The following PLCXD2 variants were observed in gnomAD, a reference collection of about 807,000 sequenced individuals.
PLCXD2 encodes PI-PLC X domain-containing protein 2.
In PLCXD2, 21 loss-of-function variants were observed where a neutral mutation model predicts 28.6. The ratio of observed to expected loss-of-function variants is 0.73; its 90% CI spans 0.52 to 1.06. The LOEUF is 1.06. Ranked by LOEUF, PLCXD2 falls within the 50% of genes least tolerant of loss-of-function variation. The probability of loss-of-function intolerance (pLI) is 0.00; values close to 1 mark genes in which losing one functional copy is unlikely to be tolerated. For synonymous variants in PLCXD2, 140 were observed against 150.1 expected (o/e 0.93, Z 0.49); for missense variants, 369 against 376.7 (o/e 0.98, Z 0.17).
intron 1 of PLCXD2, among the ~76,000 whole-genome samples, chr3:111,706,396 A>T (rs1941118688): frequency 6.6e-6 from 1 of 152,148 alleles, no homozygotes; most frequent in Non-Finnish European, 1.5e-5. Flanking sequence ...TGTCTATTTT[A>T]GTTTTTGTTG....
intron 3 of PLCXD2, chr3:111,721,816 A>C (rs1941349556): frequency 6.6e-6 from 1 of 152,224 alleles, no homozygotes; most frequent in South Asian, 2.1e-4. Flanking sequence ...TCTGCCTAGG[A>C]CTCAGGTCTG....
At chr3:111,700,496 A>T (rs774579992) in intron 1 of PLCXD2, among the ~76,000 whole-genome samples, 1 of 152,176 alleles carries the variant, frequency 6.6e-6, no homozygotes, top group Non-Finnish European at 1.5e-5. Flanking sequence ...TTTTTAGATG[A>T]CCATAAAATT....
At chr3:111,716,546 C>G (rs1419260629) in intron 3 of PLCXD2, among the ~76,000 whole-genome samples, 1 of 152,108 alleles carries the variant, frequency 6.6e-6, no homozygotes, top group Non-Finnish European at 1.5e-5. Flanking sequence ...CTTATAGAAA[C>G]CTGAAATTCA....
chr3:111,720,595 C>G, intron 3 of PLCXD2, 128 bp from the exon 4 acceptor site: 2 of 406,228 alleles, frequency 4.9e-6, no homozygotes. Flanking sequence ...GGAAATACCT[C>G]TGAAAGCTTG....
chr3:111,675,112 T>TC lies in PLCXD2; in HGVS notation c.-129dup, dbSNP rs1940599550. ...GGTAAGGATCCATCTGTTTGCCCCG[T>TC]CCCCCAGCCAGAAAGGCATTTTGGA... On this transcript the variant is annotated 5_prime_UTR_variant, in exon 1 of 5. Transcript: ENST00000477665. The TC allele has an allele frequency of 1.9e-5, 20 of 1,037,394 alleles. No individual in the cohort carries two copies. The highest frequency in any genetic ancestry group is 4.7e-5 in the Admixed American group (2 of 42,908). The allele number at this position is 1,037,394 out of a possible 1,614,324, so 64.3% of individuals were successfully genotyped here. A position where few individuals can be genotyped will look rare whatever the true frequency, so the allele number is the denominator to read the frequency against.
chr3:111,702,335 C>T lies in PLCXD2; in HGVS notation c.164-5591C>T, dbSNP rs912898686. ...ATGGCCATTTGAATTAGAGTAGCAA[C>T]AGAAGGAGAGAAAGTGGACTCAGAT... On this transcript the variant is annotated intron_variant, in intron 1 of 4. Coordinates refer to ENST00000477665, the MANE Select transcript of PLCXD2 (RefSeq NM_001185106.1). Among the ~76,000 whole-genome samples, 4 of 151,920 alleles carry T rather than the reference C, an allele frequency of 2.6e-5. 1 individual carries two copies. The highest frequency in any genetic ancestry group is 9.7e-5 in the African/African-American group (4 of 41,334).
Position 111,675,289 on chromosome 3 carries a change from C to T in PLCXD2, c.44C>T (p.Thr15Ile). Residue 15 changes from threonine to isoleucine, a missense_variant, in exon 1 of 5, where the codon ACC becomes ATC. Physicochemically the swap from Thr to Ile is moderately conservative, Grantham distance 89. Transcript: ENST00000477665. ...GCCAGGAGGAAACTCAGGATGGGGA[C>T]CATCTGCTCCCCCAACCCCAGCGGG... 1 of 1,614,084 alleles carries T rather than the reference C, an allele frequency of 6.2e-7. No individual in the cohort carries two copies. Among genetic ancestry groups the T allele is most frequent in the Non-Finnish European group, 8.5e-7 (1 of 1,180,006 alleles).
At chr3:111,695,050 C>G (rs1369504342) in intron 1 of PLCXD2, among the ~76,000 whole-genome samples, 1 of 149,198 alleles carries the variant, frequency 6.7e-6, no homozygotes, top group Non-Finnish European at 1.5e-5. Context: ...CGTTTTAGTA[C>G]ATTTGAAAAA....
chr3:111,679,682 T>C (rs1177895802), intron 1 of PLCXD2, among the ~76,000 whole-genome samples: 1 of 152,216 alleles, frequency 6.6e-6, no homozygotes, highest in Non-Finnish European at 1.5e-5. Flanking sequence ...CCAATCCATT[T>C]CTTGTTATTG....
chr3:111,717,507 G>T lies in PLCXD2; in HGVS notation c.866+3379G>T, dbSNP rs372406186. ...GTGGGTTCTGCATTTCCCCTTCTTC[G>T]TACTTAATCCTAATTATTTGATCCT... On this transcript the variant is annotated intron_variant, in intron 3 of 4. Transcript: ENST00000477665. 1.9e-3 allele frequency among the ~76,000 whole-genome samples: 283 copies of T among 152,166 alleles called. 2 individuals carry two copies. Among genetic ancestry groups the T allele is most frequent in the Middle Eastern group, 6.8e-3 (2 of 294 alleles).
rs1295050034 is a variant in PLCXD2, at chr3:111,707,948, C to T, written c.186C>T (p.Tyr62=). 1.9e-6 allele frequency: 3 copies of T among 1,613,762 alleles called. No homozygotes were observed. Among genetic ancestry groups the T allele is most frequent in the Non-Finnish European group, 2.5e-6 (3 of 1,179,864 alleles). ...CAGGCTCACATGATTCATTCAGCTA[C>T]TGGGTGGATGAAAAGTCCCCAGTGG... The change falls in exon 2 of 5, where the codon TAC becomes TAT. Residue 62 remains tyrosine (Y), a synonymous_variant. Coordinates refer to ENST00000477665, the MANE Select transcript of PLCXD2 (RefSeq NM_001185106.1).
At chr3:111,692,931 AAGTGTAG>A (rs1940908753) in intron 1 of PLCXD2, among the ~76,000 whole-genome samples, 1 of 152,206 alleles carries the variant, frequency 6.6e-6, no homozygotes, top group South Asian at 2.1e-4. Context: ...ATGTCAGTGG[AAGTGTAG>A]AGTCTGGCCA....
chr3:111,722,800 C>T (rs1576466811), intron 3 of PLCXD2: 1 of 152,226 alleles, frequency 6.6e-6, no homozygotes, highest in African/African-American at 2.4e-5. Flanking sequence ...TCCACACCCC[C>T]AACTCTTGGT....
intron 3 of PLCXD2, chr3:111,723,042 T>C (rs1445744724): frequency 6.6e-6 from 1 of 152,238 alleles, no homozygotes; most frequent in African/African-American, 2.4e-5. Context: ...TCAATTCTGA[T>C]GCTAAATGCT....
intron 1 of PLCXD2, chr3:111,692,560 T>C (rs1303688300): frequency 6.6e-6 from 1 of 152,214 alleles, no homozygotes; most frequent in Non-Finnish European, 1.5e-5. Flanking sequence ...TCCAGCAATA[T>C]TTTTTTAAAA....
chr3:111,726,105 G>A, intron 3 of PLCXD2: 1 of 377,826 alleles, frequency 2.6e-6, no homozygotes, highest in Non-Finnish European at 4.7e-6. Flanking sequence ...AATAGCAGGG[G>A]CTTGCTCACA....
In PLCXD2 at chr3:111,687,068, G is replaced by A. The variant is rs74749271; in HGVS notation, c.163+11660G>A. Among the ~76,000 whole-genome samples, 1,128 of 152,316 alleles carry A rather than the reference G, an allele frequency of 7.4e-3. 13 individuals are homozygous for A. Among genetic ancestry groups the A allele is most frequent in the African/African-American group, 0.025 (1,053 of 41,560 alleles). On this transcript the variant is annotated intron_variant, in intron 1 of 4. Coordinates refer to ENST00000477665, the MANE Select transcript of PLCXD2 (RefSeq NM_001185106.1). ...GCCCACCAGCCTTAGGCAACTCTCT[G>A]AGCATCTGTTCATTCAAGTATCCAT...
intron 1 of PLCXD2, among the ~76,000 whole-genome samples, chr3:111,704,001 CT>C (rs1941082625): frequency 6.6e-6 from 1 of 151,258 alleles, no homozygotes; most frequent in South Asian, 2.1e-4. Context: ...TTTTTTTTTC[CT>C]TTTTCACTTT....
chr3:111,725,305 T>C (rs183504974), intron 3 of PLCXD2: 53 of 260,606 alleles, frequency 2.0e-4, no homozygotes, highest in Non-Finnish European at 2.3e-4. Flanking sequence ...GTTCCACTAA[T>C]GTTCCAGGAT....
Sources: allele counts gnomAD v4.1 joint callset (sites outside exome capture counted in the v4.1 genomes callset), GRCh38; gene constraint gnomAD v4.1.1; transcripts MANE v1.5; gene names NCBI Gene and HGNC (gene_info 2026-07-23, HGNC 2026-07-21).